MARCHF11: variants seen among roughly 807,000 people sequenced by gnomAD.
The protein encoded by MARCHF11 is membrane associated ring-CH-type finger 11, also known as E3 ubiquitin-protein ligase MARCHF11.
MARCHF11 carries 29 observed loss-of-function variants against 37.3 expected under a neutral mutation model. The observed-to-expected ratio is 0.78, with a 90% CI of 0.58 to 1.06. MARCHF11 has a LOEUF of 1.06. Among genes scored for constraint, MARCHF11 ranks in the 50% least tolerant of loss-of-function variants. The probability of loss-of-function intolerance (pLI) is 0.00; values close to 1 mark genes in which losing one functional copy is unlikely to be tolerated. For synonymous variants in MARCHF11, 233 were observed against 228.0 expected (o/e 1.02, Z -0.20); for missense variants, 482 against 533.4 (o/e 0.90, Z 0.95).
chr5:16,116,400 T>C (rs1041784896), intron 2 of MARCHF11, among the ~76,000 whole-genome samples: 2 of 152,132 alleles, frequency 1.3e-5, no homozygotes, highest in Non-Finnish European at 2.9e-5. Flanking sequence ...GATTGCACAG[T>C]TTTCCATGCC....
intron 2 of MARCHF11, among the ~76,000 whole-genome samples, chr5:16,098,831 A>G (rs977207480): frequency 3.3e-5 from 5 of 150,462 alleles, no homozygotes; most frequent in African/African-American, 1.3e-4. Flanking sequence ...ATCAGCAGCA[A>G]AAGGTTGAAA....
At chr5:16,149,567 G>A (rs1255522410) in intron 2 of MARCHF11, among the ~76,000 whole-genome samples, 1 of 152,038 alleles carries the variant, frequency 6.6e-6, no homozygotes, top group African/African-American at 2.4e-5. Flanking sequence ...ACTTCACCCT[G>A]TGTTCATGCC....
At chr5:16,176,457 C>T (rs78494985) in intron 2 of MARCHF11, among the ~76,000 whole-genome samples, 2 of 152,254 alleles carry the variant, frequency 1.3e-5, no homozygotes, top group East Asian at 3.9e-4. Context: ...ATCAGAGGTT[C>T]TTGGAAAAGG....
At chr5:16,127,074 T>C (rs1209448392) in intron 2 of MARCHF11, among the ~76,000 whole-genome samples, 1 of 152,174 alleles carries the variant, frequency 6.6e-6, no homozygotes, top group Non-Finnish European at 1.5e-5. Context: ...TAGAGTAATA[T>C]AAACTATTCA....
At chr5:16,093,649 C>A (rs537387804) in intron 2 of MARCHF11, among the ~76,000 whole-genome samples, 1 of 152,256 alleles carries the variant, frequency 6.6e-6, no homozygotes, top group East Asian at 1.9e-4. Context: ...TCACCAGAAG[C>A]AAGAAACAGG....
At chr5:16,169,871 A>C (rs1005151299) in intron 2 of MARCHF11, among the ~76,000 whole-genome samples, 1 of 152,062 alleles carries the variant, frequency 6.6e-6, no homozygotes, top group African/African-American at 2.4e-5. Context: ...GAGTCATCCC[A>C]TTCTACTCTC....
At chr5:16,109,259 T>C (rs186118839) in intron 2 of MARCHF11, among the ~76,000 whole-genome samples, 66 of 152,214 alleles carry the variant, frequency 4.3e-4, no homozygotes, top group African/African-American at 1.5e-3. Context: ...GGACTCAGGA[T>C]GGGGGTTGGT....
At chr5:16,135,531 T>C (rs1386995500) in intron 2 of MARCHF11, among the ~76,000 whole-genome samples, 1 of 152,156 alleles carries the variant, frequency 6.6e-6, no homozygotes, top group Non-Finnish European at 1.5e-5. Context: ...GTCTACAGTT[T>C]AAAAAGAAAG....
At chr5:16,120,725 C>T (rs1016181664) in intron 2 of MARCHF11, among the ~76,000 whole-genome samples, 1 of 152,192 alleles carries the variant, frequency 6.6e-6, no homozygotes, top group African/African-American at 2.4e-5. Context: ...GTGAGACTGG[C>T]TTTGACCAGT....
chr5:16,137,585 T>C lies in MARCHF11; in HGVS notation c.693+40141A>G, dbSNP rs992585157. On this transcript the variant is annotated intron_variant, in intron 2 of 3. Transcript: ENST00000332432. ...ATTGCTATTAAGATACCCAAAAATG[T>C]GGAAGTGACTTTGGAACTGGGTAAC... Among the ~76,000 whole-genome samples the C allele has an allele frequency of 1.3e-5, 2 of 152,170 alleles. 1 individual carries two copies. The highest frequency in any genetic ancestry group is 4.8e-5 in the African/African-American group (2 of 41,438).
chr5:16,178,901 A>C, intron 1 of MARCHF11, 138 bp downstream of exon 1: 1 of 1,060,346 alleles, frequency 9.4e-7, no homozygotes, highest in Non-Finnish European at 1.2e-6. Flanking sequence ...TATTGGAGCC[A>C]GCGCTCACAG....
intron 2 of MARCHF11, among the ~76,000 whole-genome samples, chr5:16,136,437 TCAGGACATGA>T (rs1279215295): frequency 1.3e-5 from 2 of 152,274 alleles, no homozygotes; most frequent in South Asian, 2.1e-4. Context: ...ACATTCAGTA[TCAGGACATGA>T]CAGAAGGCAT....
intron 3 of MARCHF11, among the ~76,000 whole-genome samples, chr5:16,087,927 T>C (rs1222754158): frequency 2.0e-5 from 3 of 152,230 alleles, no homozygotes; most frequent in Non-Finnish European, 2.9e-5. Context: ...TCTGGAATAA[T>C]CTTCTACAGA....
intron 2 of MARCHF11, among the ~76,000 whole-genome samples, chr5:16,124,674 T>C (rs577262727): frequency 1.3e-5 from 2 of 152,290 alleles, no homozygotes; most frequent in Admixed American, 1.3e-4. Context: ...ACTGGAGGCA[T>C]GTTCTATTTC....
chr5:16,115,616 T>G (rs1737215839), intron 2 of MARCHF11, among the ~76,000 whole-genome samples: 1 of 146,726 alleles, frequency 6.8e-6, no homozygotes. Context: ...TAATTGAAAC[T>G]TGGAGCTTGT....
intron 2 of MARCHF11, among the ~76,000 whole-genome samples, chr5:16,171,607 C>G (rs1391784234): frequency 2.0e-5 from 3 of 152,290 alleles, no homozygotes; most frequent in African/African-American, 4.8e-5. Flanking sequence ...TGGAACACAG[C>G]TATGCTCATT....
chr5:16,155,008 G>T (rs1302568014), intron 2 of MARCHF11, among the ~76,000 whole-genome samples: 1 of 151,760 alleles, frequency 6.6e-6, no homozygotes, highest in Admixed American at 6.6e-5. Context: ...ACAGTGATAC[G>T]CCTGATGTGT....
chr5:16,143,406 T>C (rs1279045699), intron 2 of MARCHF11, among the ~76,000 whole-genome samples: 4 of 152,236 alleles, frequency 2.6e-5, no homozygotes, highest in Non-Finnish European at 5.9e-5. Flanking sequence ...GCAATTCAGC[T>C]GCCCTGGCCC....
chr5:16,075,894 C>A (rs2126545962), intron 3 of MARCHF11, among the ~76,000 whole-genome samples: 1 of 152,204 alleles, frequency 6.6e-6, no homozygotes, highest in African/African-American at 2.4e-5. Context: ...AACTAAAATT[C>A]TTTGAAAGGA....
Sources: allele counts gnomAD v4.1 joint callset (sites outside exome capture counted in the v4.1 genomes callset), GRCh38; gene constraint gnomAD v4.1.1; transcripts MANE v1.5; gene names NCBI Gene and HGNC (gene_info 2026-07-23, HGNC 2026-07-21).